DGCR8: variants seen among roughly 807,000 people sequenced by gnomAD.
DGCR8 encodes DGCR8 microprocessor complex subunit, also known as microprocessor complex subunit DGCR8.
DGCR8 carries 14 observed loss-of-function variants against 78.5 expected under a neutral mutation model. The ratio of observed to expected loss-of-function variants is 0.18; its 90% CI spans 0.12 to 0.28. The LOEUF (loss-of-function observed/expected upper bound fraction) is 0.28, where lower values mean the gene tolerates loss of function less well. Among genes scored for constraint, DGCR8 ranks in the 10% least tolerant of loss-of-function variants. The pLI is 1.00. For synonymous variants in DGCR8, 399 were observed against 402.4 expected, an observed-to-expected ratio of 0.99 and a Z score of 0.10; for missense variants, 702 against 1,022.5, an observed-to-expected ratio of 0.69 and a Z score of 4.28.
chr22:20,107,172 C>G lies in DGCR8; in HGVS notation c.1997-99C>G. ...TTCCTGTAGAATGTGCCCTGGCTGG[C>G]CCTCGGGGTGTGGGTCAGGAGGGCT... is the stretch of plus-strand genomic sequence containing the variant. On this transcript the variant is annotated intron_variant, in intron 11 of 13. Transcript: ENST00000351989. The G allele has an allele frequency of 2.1e-6, 3 of 1,411,172 alleles. No homozygotes were observed. In the East Asian group the frequency reaches 6.9e-5, roughly 32 times the overall value. 87.4% of individuals were successfully genotyped at this position (1,411,172 alleles called of 1,614,324 possible).
intron 9 of DGCR8, among the ~76,000 whole-genome samples, chr22:20,101,008 T>C (rs1298071182): frequency 3.3e-5 from 5 of 152,200 alleles, no homozygotes; most frequent in African/African-American, 1.2e-4. Context: ...ATGAAACTTA[T>C]TTTTCATGAA....
chr22:20,091,172 T>A (rs1354677062), intron 5 of DGCR8, among the ~76,000 whole-genome samples: 1 of 152,262 alleles, frequency 6.6e-6, no homozygotes, highest in Admixed American at 6.5e-5. Context: ...TTTTTTAAGC[T>A]GTCTTTTTTC....
At chr22:20,093,115 G>A (rs1265446595) in intron 8 of DGCR8, among the ~76,000 whole-genome samples, 2 of 152,054 alleles carry the variant, frequency 1.3e-5, no homozygotes, top group East Asian at 1.9e-4. Context: ...CTTAAAAGTA[G>A]AAGGCCTCGG....
At position 20,086,995 on chromosome 22, in the gene DGCR8, G is replaced by A; in HGVS notation, c.721-167G>A. On this transcript the variant is annotated intron_variant, in intron 2 of 13. Transcript: ENST00000351989. This position sits in a 1 kb window ranked among gnomAD's most constrained non-coding sequence, Gnocchi z 6.4. The stretch of plus-strand genomic sequence containing the variant: ...GGACCAGGTGTGTTGGTGTCAGCTG[G>A]TAGCTTCATCCTGTTTGTTTTTCAG... 3 of 935,980 alleles carry A rather than the reference G, an allele frequency of 3.2e-6. No individual in the cohort carries two copies. The highest frequency in any genetic ancestry group is 4.8e-6 in the Non-Finnish European group (3 of 629,960). The allele number at this position is 935,980 out of a possible 1,614,324, so 58.0% of individuals were successfully genotyped here.
chr22:20,087,272 A>T lies in DGCR8; in HGVS notation c.831A>T (p.Gly277=). 1.2e-6 allele frequency: 2 copies of T among 1,613,914 alleles called. No homozygotes were observed. Residue 277 remains glycine, a synonymous_variant, in exon 3 of 14, where the codon GGA becomes GGT. Coordinates refer to ENST00000351989, the MANE Select transcript of DGCR8 (RefSeq NM_022720.7). This position sits in a 1 kb window ranked among gnomAD's most constrained non-coding sequence, Gnocchi z 4.1. The part of the protein sequence containing the change: ...YGGDSDHPSD[G]ETSVQPMMTK... ...GAGACAGCGACCATCCGTCCGATGGAGAGACAAGTGTGCAGCCGATGATGA... is the reference window on the plus strand; with the variant it reads ...GAGACAGCGACCATCCGTCCGATGGTGAGACAAGTGTGCAGCCGATGATGA...
chr22:20,092,064 C>A, intron 7 of DGCR8, 94 bp downstream of exon 7: 1 of 971,808 alleles, frequency 1.0e-6, no homozygotes, highest in South Asian at 1.4e-5. Flanking sequence ...TAGCCCTACT[C>A]TACTGGAACG....
chr22:20,105,048 G>C (rs559808771), intron 9 of DGCR8, among the ~76,000 whole-genome samples: 4 of 152,390 alleles, frequency 2.6e-5, no homozygotes, highest in African/African-American at 9.6e-5. Flanking sequence ...TGAGGGTGTG[G>C]CTGATGGGTA....
chr22:20,101,392 C>T lies in DGCR8; in HGVS notation c.1789-4785C>T, dbSNP rs1296514294. 14 of 733,340 alleles carry T rather than the reference C, an allele frequency of 1.9e-5. No individual in the cohort carries two copies. In the East Asian group the frequency reaches 5.3e-4, roughly 28 times the overall value. 45.4% of individuals were successfully genotyped at this position (733,340 alleles called of 1,614,324 possible). On this transcript the variant is annotated intron_variant, in intron 9 of 13. Coordinates refer to ENST00000351989, the MANE Select transcript of DGCR8 (RefSeq NM_022720.7). Reference sequence around the variant, plus strand: ...GACATCGAGACCATCCTGGCTAACACGGTGAAACCCCGTCTCTACTAAAAA... The same window carrying T: ...GACATCGAGACCATCCTGGCTAACATGGTGAAACCCCGTCTCTACTAAAAA...
intron 6 of DGCR8, 87 bp from the exon 7 acceptor site, chr22:20,091,782 C>G (rs978672322): frequency 2.7e-6 from 4 of 1,482,482 alleles, no homozygotes; most frequent in Middle Eastern, 1.8e-4. Context: ...CGGTCGTGAG[C>G]CCCTAGTTAC....
At position 20,110,509 on chromosome 22, in the gene DGCR8, G is replaced by A. The variant is rs1292139550; in HGVS notation, c.*401G>A. On this transcript the variant is annotated 3_prime_UTR_variant, in exon 14 of 14. Coordinates refer to ENST00000351989, the MANE Select transcript of DGCR8 (RefSeq NM_022720.7). The stretch of plus-strand genomic sequence containing the variant: ...AGATGAGAGGGGATGGCTGAGTCCT[G>A]TGGCTGGCCCGTGATGCCAGGTGGC... 1 of 169,102 alleles carries A rather than the reference G, an allele frequency of 5.9e-6. No homozygotes were observed. Among genetic ancestry groups the A allele is most frequent in the Non-Finnish European group, 1.3e-5 (1 of 79,324 alleles). The allele number at this position is 169,102 out of a possible 1,614,324, so 10.5% of individuals were successfully genotyped here.
rs1010289344 is a variant in DGCR8, at chr22:20,089,236, C to T, written c.881-433C>T. 4.0e-5 allele frequency among the ~76,000 whole-genome samples: 6 copies of T among 148,460 alleles called. No individual in the cohort carries two copies. The highest frequency in any genetic ancestry group is 2.2e-4 in the South Asian group (1 of 4,628). On this transcript the variant is annotated intron_variant, in intron 3 of 13. Transcript: ENST00000351989. This position sits in a 1 kb window ranked among gnomAD's most constrained non-coding sequence, Gnocchi z 4.9. ...GTTTTGTATGCTGCTGAGAGTGCAG[C>T]TCAGTTACAATAAAGACTTGTCACC...
chr22:20,094,452 C>A (rs2049603440), intron 8 of DGCR8, among the ~76,000 whole-genome samples: 1 of 152,254 alleles, frequency 6.6e-6, no homozygotes, highest in Non-Finnish European at 1.5e-5. Context: ...GCTCCGAGCT[C>A]CTCCCTGCCT....
chr22:20,094,624 A>T, intron 8 of DGCR8, 89 bp from the exon 9 acceptor site: 1 of 1,180,062 alleles, frequency 8.5e-7, no homozygotes, highest in Non-Finnish European at 1.3e-6. Flanking sequence ...AGCTGTGGGG[A>T]TGGGAGGCAG....
intron 1 of DGCR8, 174 bp downstream of exon 1, chr22:20,080,557 G>A: frequency 1.1e-6 from 1 of 905,520 alleles, no homozygotes; most frequent in Non-Finnish European, 1.3e-6. Context: ...AGCGCGGGGT[G>A]GGGACGCCTC....
At position 20,091,585 on chromosome 22, in the gene DGCR8, A is replaced by G. The variant is rs1240266210; in HGVS notation, c.1457A>G (p.Asn486Ser). ...AESERPILPA[N>S]QKLITLSVQD... Reference sequence around the variant, plus strand: ...TCCGAGAGGCCCATCTTGCCAGCCAATCAGAAGCTCATTACTTTATCAGTG... The same window carrying G: ...TCCGAGAGGCCCATCTTGCCAGCCAGTCAGAAGCTCATTACTTTATCAGTG... Residue 486 changes from asparagine (N) to serine (S), a missense_variant, in exon 6 of 14, where the codon AAT becomes AGT. Physicochemically the swap from Asn to Ser is conservative, Grantham distance 46. Around this residue, in one of 4 missense-constraint regions of DGCR8, gnomAD observed 225 missense variants for 427.7 expected, o/e 0.53. Coordinates refer to ENST00000351989, the MANE Select transcript of DGCR8 (RefSeq NM_022720.7). 3 of 1,614,250 alleles carry G rather than the reference A, an allele frequency of 1.9e-6. No individual in the cohort carries two copies. Among genetic ancestry groups the G allele is most frequent in the Non-Finnish European group, 2.5e-6 (3 of 1,180,052 alleles).
chr22:20,088,679 G>A (rs1276510934), intron 3 of DGCR8, among the ~76,000 whole-genome samples: 1 of 152,246 alleles, frequency 6.6e-6, no homozygotes, highest in African/African-American at 2.4e-5. Flanking sequence ...ATCACCTGAT[G>A]GTGGCCTGGG....
intron 9 of DGCR8, among the ~76,000 whole-genome samples, chr22:20,104,115 T>C (rs950700760): frequency 1.3e-5 from 2 of 152,154 alleles, no homozygotes; most frequent in Middle Eastern, 3.4e-3. Context: ...CAGTAGCACA[T>C]GTGGCCTCAG....
At chr22:20,093,087 A>G (rs1316625273) in intron 8 of DGCR8, among the ~76,000 whole-genome samples, 180 bp downstream of exon 8, 4 of 152,092 alleles carry the variant, frequency 2.6e-5, no homozygotes, top group African/African-American at 9.7e-5. Flanking sequence ...AAAGACTCAA[A>G]TAGAGCAAAA....
chr22:20,100,027 A>G (rs1052528107), intron 9 of DGCR8, among the ~76,000 whole-genome samples: 9 of 152,196 alleles, frequency 5.9e-5, no homozygotes, highest in African/African-American at 2.2e-4. Flanking sequence ...CATGTGGATC[A>G]AGCACAGTCT....
Sources: gnomAD v4.1 joint callset for allele counts (sites outside exome capture counted in the v4.1 genomes callset) on GRCh38, gnomAD v4.1.1 for gene constraint, gnomAD v4.1.1 regional missense constraint, Gnocchi (gnomAD v3.1) non-coding constraint, MANE v1.5 for transcripts, NCBI Gene and HGNC (gene_info 2026-07-23, HGNC 2026-07-21) for gene names.